The following CSMD1 variants were observed in gnomAD, a reference collection of about 807,000 sequenced individuals.
CSMD1 encodes the protein CUB and sushi domain-containing protein 1.
CSMD1 carries 213 observed loss-of-function variants against 417.5 expected under a neutral mutation model. The ratio of observed to expected loss-of-function variants is 0.51; its 90% CI spans 0.46 to 0.57. The LOEUF is 0.57. Among genes scored for constraint, CSMD1 ranks in the 20% least tolerant of loss-of-function variants. CSMD1 has a pLI of 0.00. For missense variants in CSMD1, 6,923 were observed against 4,529.7 expected, an observed-to-expected ratio of 1.53 and a Z score of -15.17; for synonymous variants, 2,862 against 1,736.8, an observed-to-expected ratio of 1.65 and a Z score of -16.11.
chr8:4,882,201 G>A (rs1243545793), intron 1 of CSMD1, among the ~76,000 whole-genome samples: 9 of 151,914 alleles, frequency 5.9e-5, no homozygotes, highest in Non-Finnish European at 1.3e-4. Flanking sequence ...TGTACACTGC[G>A]TGGTGGATTT....
chr8:3,484,329 G>A (rs1481028160), intron 11 of CSMD1, among the ~76,000 whole-genome samples: 1 of 152,162 alleles, frequency 6.6e-6, no homozygotes, highest in East Asian at 1.9e-4. Context: ...CAGTTCAATG[G>A]AGAAAGGCGA....
chr8:3,880,984 G>C lies in CSMD1; in HGVS notation c.818+116919C>G, dbSNP rs909970235. 4.6e-5 allele frequency among the ~76,000 whole-genome samples: 7 copies of C among 151,968 alleles called. No homozygotes were observed. In the East Asian group the frequency reaches 7.7e-4, roughly 17 times the overall value. ...AACTGCATTTTTAAGTACTAGCAAA[G>C]GCAAATGAAGATCAAAATTTTAAAA... On this transcript the variant is annotated intron_variant, in intron 5 of 69. Coordinates refer to ENST00000635120, the MANE Select transcript of CSMD1 (RefSeq NM_033225.6).
At chr8:4,300,285 G>C (rs1184475636) in intron 3 of CSMD1, among the ~76,000 whole-genome samples, 2 of 152,118 alleles carry the variant, frequency 1.3e-5, no homozygotes, top group East Asian at 3.9e-4. Flanking sequence ...TCCTACACTT[G>C]GGCACAGATG....
rs374907734 is a variant in CSMD1 at position 3,416,028 on chromosome 8, G to A, written c.1562-6423C>T. 1.6e-3 allele frequency among the ~76,000 whole-genome samples: 248 copies of A among 152,168 alleles called. 1 individual carries two copies. Among genetic ancestry groups the A allele is most frequent in the African/African-American group, 5.0e-3 (209 of 41,534 alleles). ...TAAAAATAAGTGTTCTTGGCTGGGC[G>A]CGGCGGCTCACACCTGTAATCCTAG... On this transcript the variant is annotated intron_variant, in intron 12 of 69. Coordinates refer to ENST00000635120, the MANE Select transcript of CSMD1 (RefSeq NM_033225.6).
At chr8:3,641,194 G>T (rs561199008) in intron 7 of CSMD1, among the ~76,000 whole-genome samples, 35 of 151,984 alleles carry the variant, frequency 2.3e-4, no homozygotes, top group African/African-American at 8.0e-4. Context: ...ACTTGACTGG[G>T]GTACATTGCC....
At chr8:4,741,829 G>C (rs1417150858) in intron 1 of CSMD1, among the ~76,000 whole-genome samples, 2 of 151,700 alleles carry the variant, frequency 1.3e-5, no homozygotes, top group Admixed American at 6.6e-5. Flanking sequence ...ACTTTAAGGA[G>C]TTTGGGTGTT....
intron 26 of CSMD1, among the ~76,000 whole-genome samples, chr8:3,247,699 A>G (rs559062470): frequency 6.6e-6 from 1 of 152,226 alleles, no homozygotes; most frequent in Admixed American, 6.5e-5. Flanking sequence ...GTTAAACCAC[A>G]TCTCCCAACA....
chr8:4,537,005 A>G (rs1797135178), intron 2 of CSMD1, among the ~76,000 whole-genome samples: 1 of 152,190 alleles, frequency 6.6e-6, no homozygotes, highest in Admixed American at 6.5e-5. Flanking sequence ...TATCATACAA[A>G]TTTGAGCACG....
intron 3 of CSMD1, among the ~76,000 whole-genome samples, chr8:4,339,167 T>C (rs1379764178): frequency 2.6e-5 from 4 of 152,212 alleles, no homozygotes; most frequent in East Asian, 1.9e-4. Flanking sequence ...AATAAATTCT[T>C]GAGCCAGGCT....
chr8:4,060,022 A>C (rs1368764228), intron 3 of CSMD1, among the ~76,000 whole-genome samples: 1 of 152,220 alleles, frequency 6.6e-6, no homozygotes, highest in Non-Finnish European at 1.5e-5. Context: ...ATCCTTGATG[A>C]AGTTTGATGC....
intron 2 of CSMD1, among the ~76,000 whole-genome samples, chr8:4,430,452 T>C (rs1446638233): frequency 1.3e-5 from 2 of 152,122 alleles, no homozygotes; most frequent in African/African-American, 4.8e-5. Flanking sequence ...GGAATTTCAT[T>C]TGGTTATGGT....
intron 2 of CSMD1, among the ~76,000 whole-genome samples, chr8:4,541,312 G>T (rs1212526395): frequency 6.6e-6 from 1 of 152,118 alleles, no homozygotes; most frequent in Non-Finnish European, 1.5e-5. Context: ...CTACCCCCAT[G>T]CAGTTCTTAC....
intron 1 of CSMD1, among the ~76,000 whole-genome samples, chr8:4,918,769 T>C (rs562077327): frequency 2.3e-4 from 35 of 152,350 alleles, no homozygotes; most frequent in African/African-American, 7.7e-4. Context: ...GGTATGTGCA[T>C]ATGGAATTTT....
chr8:4,639,091 G>C (rs1387556758), intron 1 of CSMD1, among the ~76,000 whole-genome samples: 3 of 152,026 alleles, frequency 2.0e-5, no homozygotes, highest in Non-Finnish European at 4.4e-5. Context: ...TGCCTGCCTT[G>C]TCAGCCTCAC....
chr8:3,955,309 T>G (rs1341347416), intron 5 of CSMD1, among the ~76,000 whole-genome samples: 1 of 152,172 alleles, frequency 6.6e-6, no homozygotes, highest in East Asian at 1.9e-4. Context: ...ACACATCCAG[T>G]GTGTTCTTGG....
chr8:3,516,619 G>C (rs772490773), intron 10 of CSMD1, among the ~76,000 whole-genome samples: 1 of 152,090 alleles, frequency 6.6e-6, no homozygotes, highest in Admixed American at 6.6e-5. Flanking sequence ...GTTTATTTTT[G>C]TTGTTATTGT....
intron 3 of CSMD1, among the ~76,000 whole-genome samples, chr8:4,238,611 T>TA (rs573702268): frequency 1.2e-4 from 18 of 152,282 alleles, no homozygotes; most frequent in African/African-American, 4.1e-4. Flanking sequence ...TCTTCTCACT[T>TA]AAAAAACAGG....
At chr8:3,631,046 G>C (rs142084264) in intron 7 of CSMD1, among the ~76,000 whole-genome samples, 1 of 152,078 alleles carries the variant, frequency 6.6e-6, no homozygotes, top group East Asian at 1.9e-4. Context: ...TTCTTTGCTC[G>C]TGCCGCTCCT....
chr8:3,842,572 A>G (rs568195922), intron 5 of CSMD1, among the ~76,000 whole-genome samples: 2 of 152,304 alleles, frequency 1.3e-5, no homozygotes, highest in South Asian at 2.1e-4. Context: ...AGTAGTAGAA[A>G]TAACACATAA....
Sources: allele counts gnomAD v4.1 joint callset (sites outside exome capture counted in the v4.1 genomes callset), GRCh38; gene constraint gnomAD v4.1.1; transcripts MANE v1.5; gene names NCBI Gene and HGNC (gene_info 2026-07-23, HGNC 2026-07-21).